GPC6: variants seen among roughly 807,000 people sequenced by gnomAD.
GPC6 encodes the protein glypican-6.
Under a neutral mutation model 55.2 loss-of-function variants are expected in GPC6, and 14 were observed. That is an observed-to-expected ratio of 0.25 (90% CI 0.17 to 0.40). The LOEUF (loss-of-function observed/expected upper bound fraction) is 0.40, where lower values mean the gene tolerates loss of function less well. GPC6 is among the 10% of genes least tolerant of loss of function. GPC6 has a pLI of 1.00. For synonymous variants in GPC6, 278 were observed against 259.6 expected, an observed-to-expected ratio of 1.07 and a Z score of -0.68; for missense variants, 641 against 708.5, an observed-to-expected ratio of 0.90 and a Z score of 1.08.
intron 2 of GPC6, among the ~76,000 whole-genome samples, chr13:93,607,411 A>G (rs1221642613): frequency 6.6e-6 from 1 of 152,206 alleles, no homozygotes; most frequent in Non-Finnish European, 1.5e-5. Flanking sequence ...AAACAATGCC[A>G]GGTCCTTGCT....
chr13:93,647,862 C>T (rs986907671), intron 2 of GPC6, among the ~76,000 whole-genome samples: 3 of 152,166 alleles, frequency 2.0e-5, no homozygotes, highest in African/African-American at 7.2e-5. Flanking sequence ...GAGACCATGT[C>T]ATGAGTGAAC....
At chr13:93,773,354 A>G (rs188279983) in intron 2 of GPC6, among the ~76,000 whole-genome samples, 17 of 152,290 alleles carry the variant, frequency 1.1e-4, no homozygotes, top group African/African-American at 3.1e-4. Flanking sequence ...TGGTTCATCA[A>G]TAAGCATCTC....
In GPC6 at chr13:94,281,654, A is replaced by G. The variant is rs182039938; in HGVS notation, c.878-4695A>G. 1.7e-3 allele frequency among the ~76,000 whole-genome samples: 264 copies of G among 152,316 alleles called. 1 individual carries two copies. The highest frequency in any genetic ancestry group is 2.8e-3 in the Non-Finnish European group (191 of 68,026). The stretch of plus-strand genomic sequence containing the variant: ...TCTCCTTACTGAAAACAGCAGTAAG[A>G]TCATTTTTAATCCAATGCCATCCAG... On this transcript the variant is annotated intron_variant, in intron 4 of 8. Coordinates refer to ENST00000377047, the MANE Select transcript of GPC6 (RefSeq NM_005708.5).
rs184645440 is a variant in GPC6 at position 94,211,112 on chromosome 13, A to G, written c.878-75237A>G. On this transcript the variant is annotated intron_variant, in intron 4 of 8. Transcript: ENST00000377047. Reference sequence around the variant, plus strand: ...ACTTTCCTTCCTATCCTGTACTTATATTCAAAACTGTCATTTGGCTCATGG... The same window carrying G: ...ACTTTCCTTCCTATCCTGTACTTATGTTCAAAACTGTCATTTGGCTCATGG... Among the ~76,000 whole-genome samples, 892 of 152,268 alleles carry G rather than the reference A, an allele frequency of 5.9e-3. 14 individuals are homozygous for G. The highest frequency in any genetic ancestry group is 0.03 in the Admixed American group (466 of 15,292).
chr13:94,347,098 C>T (rs1236683243), intron 6 of GPC6, among the ~76,000 whole-genome samples: 1 of 152,132 alleles, frequency 6.6e-6, no homozygotes, highest in East Asian at 1.9e-4. Context: ...TGGAGGTGAG[C>T]TCAAGGAACT....
chr13:93,756,807 ATTT>A (rs1448097830), intron 2 of GPC6, among the ~76,000 whole-genome samples: 1 of 152,116 alleles, frequency 6.6e-6, no homozygotes, highest in East Asian at 1.9e-4. Flanking sequence ...TAAGCTGGCA[ATTT>A]TGTTTTAGAG....
At chr13:93,234,349 TC>T (rs1167601083) in intron 1 of GPC6, among the ~76,000 whole-genome samples, 4 of 152,066 alleles carry the variant, frequency 2.6e-5, no homozygotes, top group African/African-American at 7.2e-5. Context: ...CATGTCGTCC[TC>T]CCCCACCCCC....
intron 4 of GPC6, among the ~76,000 whole-genome samples, chr13:94,052,734 TG>T (rs1172253800): frequency 6.6e-6 from 1 of 152,176 alleles, no homozygotes; most frequent in Non-Finnish European, 1.5e-5. Flanking sequence ...TTAAGCTTCT[TG>T]GGGGCCTGCC....
chr13:94,298,367 A>G (rs1875454025), intron 5 of GPC6, among the ~76,000 whole-genome samples: 1 of 152,252 alleles, frequency 6.6e-6, no homozygotes, highest in African/African-American at 2.4e-5. Context: ...ACTTTGAGAA[A>G]GGCCCTAGCT....
intron 1 of GPC6, among the ~76,000 whole-genome samples, chr13:93,454,420 C>T (rs1348546844): frequency 1.6e-5 from 2 of 125,052 alleles, no homozygotes; most frequent in Non-Finnish European, 3.6e-5. Flanking sequence ...TGTTTACAAA[C>T]CTTGAGCTAG....
At chr13:93,287,141 C>T (rs182230882) in intron 1 of GPC6, among the ~76,000 whole-genome samples, 2 of 152,178 alleles carry the variant, frequency 1.3e-5, no homozygotes, top group South Asian at 2.1e-4. Context: ...GCAAATATTA[C>T]AAAATCTGAA....
intron 2 of GPC6, among the ~76,000 whole-genome samples, chr13:93,825,755 A>T (rs1887209507): frequency 6.6e-6 from 1 of 152,122 alleles, no homozygotes; most frequent in Non-Finnish European, 1.5e-5. Flanking sequence ...TTTCACCTTG[A>T]GAAAGGCAGG....
At chr13:93,834,628 A>G (rs946730336) in intron 3 of GPC6, among the ~76,000 whole-genome samples, 1 of 152,056 alleles carries the variant, frequency 6.6e-6, no homozygotes, top group Non-Finnish European at 1.5e-5. Context: ...ACATGAATGT[A>G]TTGTGTAAAG....
rs574777287 is a variant in GPC6 at position 94,069,230 on chromosome 13, T to C, written c.877+41336T>C. Among the ~76,000 whole-genome samples the C allele has an allele frequency of 1.2e-3, 189 of 152,280 alleles. 1 individual carries two copies. Among genetic ancestry groups the C allele is most frequent in the African/African-American group, 3.8e-3 (158 of 41,564 alleles). On this transcript the variant is annotated intron_variant, in intron 4 of 8. Transcript: ENST00000377047. ...CTGTCAAGGCTTGGGGCTTACACACTCTGAAGCCATAGCCAGAGCTGTACC... is the reference window on the plus strand; with the variant it reads ...CTGTCAAGGCTTGGGGCTTACACACCCTGAAGCCATAGCCAGAGCTGTACC...
At chr13:93,433,674 A>T (rs1877458025) in intron 1 of GPC6, among the ~76,000 whole-genome samples, 1 of 152,174 alleles carries the variant, frequency 6.6e-6, no homozygotes, top group South Asian at 2.1e-4. Context: ...GCTAACATTG[A>T]ATAAAGTGAG....
chr13:93,403,761 A>T (rs538681898), intron 1 of GPC6, among the ~76,000 whole-genome samples: 112 of 152,048 alleles, frequency 7.4e-4, no homozygotes, highest in Non-Finnish European at 1.2e-3. Flanking sequence ...CTTCTTTGTG[A>T]GTTTAATCAA....
At chr13:93,610,055 G>T (rs1159173060) in intron 2 of GPC6, among the ~76,000 whole-genome samples, 1 of 152,182 alleles carries the variant, frequency 6.6e-6, no homozygotes, top group Non-Finnish European at 1.5e-5. Flanking sequence ...GCTGAATGAG[G>T]ACATGGATGA....
chr13:93,623,261 C>CTGAT, intron 2 of GPC6, among the ~76,000 whole-genome samples: 1 of 152,044 alleles, frequency 6.6e-6, no homozygotes, highest in Non-Finnish European at 1.5e-5. Context: ...CCTTGACATA[C>CTGAT]TGATTCCATT....
chr13:93,913,854 C>T (rs1478627185), intron 3 of GPC6, among the ~76,000 whole-genome samples: 5 of 152,286 alleles, frequency 3.3e-5, no homozygotes, highest in South Asian at 2.1e-4. Flanking sequence ...GCCCCATCCT[C>T]CCAGGTAGAA....
Sources: gnomAD v4.1 joint callset for allele counts (sites outside exome capture counted in the v4.1 genomes callset) on GRCh38, gnomAD v4.1.1 for gene constraint, MANE v1.5 for transcripts, NCBI Gene and HGNC (gene_info 2026-07-23, HGNC 2026-07-21) for gene names.